The following LRRC69 variants were observed in gnomAD, a reference collection of about 807,000 sequenced individuals.
The protein encoded by LRRC69 is leucine rich repeat containing 69.
In LRRC69, 42 loss-of-function variants were observed where a neutral mutation model predicts 37.8. That is an observed-to-expected ratio of 1.11 (90% CI 0.87 to 1.44). LRRC69 has a LOEUF of 1.44. LRRC69 is among the 40% of genes most tolerant of loss of function. The probability of loss-of-function intolerance (pLI) is 0.00; values close to 1 mark genes in which losing one functional copy is unlikely to be tolerated. For synonymous variants in LRRC69, 141 were observed against 143.1 expected, an observed-to-expected ratio of 0.99 and a Z score of 0.11; for missense variants, 357 against 401.9, an observed-to-expected ratio of 0.89 and a Z score of 0.96.
chr8:91,179,450 A>G (rs1255258842), intron 5 of LRRC69, among the ~76,000 whole-genome samples: 1 of 152,220 alleles, frequency 6.6e-6, no homozygotes, highest in African/African-American at 2.4e-5. Flanking sequence ...AAACATCTCC[A>G]TGATCCAGTC....
intron 5 of LRRC69, among the ~76,000 whole-genome samples, chr8:91,166,236 C>G (rs1192604001): frequency 6.6e-6 from 1 of 151,728 alleles, no homozygotes; most frequent in Non-Finnish European, 1.5e-5. Context: ...TTGAATATTA[C>G]ATTAGTTCTA....
intron 7 of LRRC69, among the ~76,000 whole-genome samples, chr8:91,207,830 A>G (rs570486476): frequency 1.3e-5 from 2 of 152,342 alleles, no homozygotes; most frequent in Admixed American, 1.3e-4. Context: ...TTCAAAAGCT[A>G]GTGTATAAGT....
At chr8:91,196,456 A>T (rs1809602525) in intron 6 of LRRC69, among the ~76,000 whole-genome samples, 14 of 151,820 alleles carry the variant, frequency 9.2e-5, no homozygotes, top group Admixed American at 7.9e-4. Flanking sequence ...ACTTGGTTCC[A>T]TTCTCCCCAT....
intron 1 of LRRC69, among the ~76,000 whole-genome samples, chr8:91,122,594 C>T (rs1411790539): frequency 6.6e-6 from 1 of 152,006 alleles, no homozygotes; most frequent in Non-Finnish European, 1.5e-5. Flanking sequence ...TACCAGCATT[C>T]ATGAAACTGT....
intron 7 of LRRC69, among the ~76,000 whole-genome samples, chr8:91,217,111 T>C (rs1810063963): frequency 6.6e-6 from 1 of 152,110 alleles, no homozygotes; most frequent in African/African-American, 2.4e-5. Flanking sequence ...TATTTGTGTG[T>C]GTGTGTATGA....
intron 5 of LRRC69, among the ~76,000 whole-genome samples, chr8:91,139,489 G>A (rs1808495496): frequency 6.8e-6 from 1 of 147,488 alleles, no homozygotes; most frequent in African/African-American, 2.5e-5. Flanking sequence ...TGGTCAGGCT[G>A]GTTGCGAACT....
intron 7 of LRRC69, among the ~76,000 whole-genome samples, chr8:91,213,829 T>C (rs1340732333): frequency 6.6e-6 from 1 of 152,088 alleles, no homozygotes; most frequent in Non-Finnish European, 1.5e-5. Flanking sequence ...GAATAAATCA[T>C]GTTCATAGGG....
At chr8:91,179,212 C>A (rs1300823057) in intron 5 of LRRC69, among the ~76,000 whole-genome samples, 1 of 152,132 alleles carries the variant, frequency 6.6e-6, no homozygotes, top group Non-Finnish European at 1.5e-5. Flanking sequence ...ACTTGCAGTT[C>A]AGCAGGTTGT....
chr8:91,141,672 T>C (rs1808535709), intron 5 of LRRC69, among the ~76,000 whole-genome samples: 1 of 152,068 alleles, frequency 6.6e-6, no homozygotes, highest in Admixed American at 6.6e-5. Flanking sequence ...TCTCTAAACA[T>C]TGAAGTGGAA....
intron 3 of LRRC69, chr8:91,130,896 A>G (rs932844226): frequency 6.6e-6 from 1 of 152,004 alleles, no homozygotes; most frequent in African/African-American, 2.4e-5. Flanking sequence ...CTCACATGGT[A>G]GAAGGGGCAA....
chr8:91,110,901 C>A (rs961830685), intron 1 of LRRC69, among the ~76,000 whole-genome samples: 3 of 151,908 alleles, frequency 2.0e-5, no homozygotes, highest in African/African-American at 7.2e-5. Flanking sequence ...ATAAATAAAG[C>A]TGGGCAAATT....
chr8:91,197,733 G>A lies in LRRC69; in HGVS notation c.754-2880G>A, dbSNP rs1054644015. 7.9e-5 allele frequency among the ~76,000 whole-genome samples: 12 copies of A among 151,946 alleles called. No individual in the cohort carries two copies. In the East Asian group the frequency reaches 1.6e-3, roughly 20 times the overall value. On this transcript the variant is annotated intron_variant, in intron 6 of 7. Coordinates refer to ENST00000448384, the Ensembl canonical transcript of LRRC69. ...ACGGTGCGCGCACCCACTGACCGGC[G>A]CCCACTGTCTGGCACTCCCTAGTGA...
At chr8:91,195,744 A>C (rs1300528934) in intron 6 of LRRC69, among the ~76,000 whole-genome samples, 9 of 152,044 alleles carry the variant, frequency 5.9e-5, no homozygotes, top group Non-Finnish European at 8.8e-5. Flanking sequence ...GTGTCTCTGC[A>C]CGTGAGATGG....
intron 5 of LRRC69, among the ~76,000 whole-genome samples, chr8:91,141,405 A>C (rs1328268043): frequency 6.6e-6 from 1 of 152,088 alleles, no homozygotes; most frequent in East Asian, 1.9e-4. Context: ...TCACATTCTG[A>C]GGTTCAGGGT....
chr8:91,151,641 C>A (rs980194589), intron 5 of LRRC69, among the ~76,000 whole-genome samples: 2 of 151,312 alleles, frequency 1.3e-5, no homozygotes, highest in Non-Finnish European at 3.0e-5. Context: ...TGATTTATAT[C>A]CCTTTGGGTA....
chr8:91,165,253 C>T (rs569093696), intron 5 of LRRC69, among the ~76,000 whole-genome samples: 5 of 151,590 alleles, frequency 3.3e-5, no homozygotes, highest in Non-Finnish European at 5.9e-5. Flanking sequence ...ATTTCAGGTG[C>T]GGTTTTATAG....
intron 5 of LRRC69, among the ~76,000 whole-genome samples, chr8:91,151,276 G>A (rs1417622064): frequency 4.0e-5 from 6 of 151,136 alleles, no homozygotes; most frequent in Non-Finnish European, 8.8e-5. Context: ...AGAGATTCTG[G>A]TATGTTGTGT....
chr8:91,133,663 C>G (rs1291162746), intron 4 of LRRC69, among the ~76,000 whole-genome samples: 1 of 152,016 alleles, frequency 6.6e-6, no homozygotes, highest in Non-Finnish European at 1.5e-5. Flanking sequence ...GAGACAGAGT[C>G]TTGCTCTGTT....
At chr8:91,155,781 C>G (rs1808822822) in intron 5 of LRRC69, among the ~76,000 whole-genome samples, 2 of 150,312 alleles carry the variant, frequency 1.3e-5, no homozygotes, top group South Asian at 4.2e-4. Flanking sequence ...ATAATGTCCT[C>G]CAGGTTCATC....
Sources: allele counts gnomAD v4.1 joint callset (sites outside exome capture counted in the v4.1 genomes callset), GRCh38; gene constraint gnomAD v4.1.1; transcripts MANE v1.5; gene names NCBI Gene and HGNC (gene_info 2026-07-23, HGNC 2026-07-21).